Variants in NPHP4 observed in about 807,000 individuals in gnomAD.
NPHP4 encodes the protein nephrocystin 4.
In NPHP4, 151 loss-of-function variants were observed where a neutral mutation model predicts 155.8. The ratio of observed to expected loss-of-function variants is 0.97; its 90% CI spans 0.85 to 1.11. The LOEUF is 1.11. Among genes scored for constraint, NPHP4 ranks in the 50% least tolerant of loss-of-function variants. The pLI is 0.00. For synonymous variants in NPHP4, 845 were observed against 816.8 expected (o/e 1.03, Z -0.59); for missense variants, 1,956 against 1,925.7 (o/e 1.02, Z -0.29).
chr1:5,982,565 TTG>T (rs1163200738), intron 2 of NPHP4, among the ~76,000 whole-genome samples: 1 of 152,266 alleles, frequency 6.6e-6, no homozygotes, highest in Non-Finnish European at 1.5e-5. Context: ...TCTAGTTACT[TTG>T]TATCTAATTT....
chr1:5,966,317 C>T (rs2102215703), intron 5 of NPHP4, among the ~76,000 whole-genome samples: 1 of 152,298 alleles, frequency 6.6e-6, no homozygotes, highest in Non-Finnish European at 1.5e-5. Flanking sequence ...GCAATCTCAC[C>T]ACACTGTAAT....
At chr1:5,972,563 A>G (rs1007454950) in intron 3 of NPHP4, among the ~76,000 whole-genome samples, 11 of 152,210 alleles carry the variant, frequency 7.2e-5, no homozygotes, top group Admixed American at 2.6e-4. Flanking sequence ...TGGCACACAG[A>G]AGACCCTTAA....
intron 7 of NPHP4, 115 bp downstream of exon 7, chr1:5,952,585 C>G (rs1449835879): frequency 7.2e-6 from 1 of 138,126 alleles, no homozygotes; most frequent in African/African-American, 2.8e-5. Context: ...CCCTGCCCCA[C>G]CCACCCCTAC....
chr1:5,887,514 G>C, intron 17 of NPHP4, 48 bp from the exon 18 acceptor site: 1 of 1,590,174 alleles, frequency 6.3e-7, no homozygotes, highest in Non-Finnish European at 8.6e-7. Context: ...GCCCTGGGCT[G>C]CTTCCACCAG....
intron 4 of NPHP4, among the ~76,000 whole-genome samples, chr1:5,968,054 T>A (rs983504997): frequency 6.6e-6 from 1 of 152,012 alleles, no homozygotes; most frequent in Non-Finnish European, 1.5e-5. Flanking sequence ...GAACACCTAC[T>A]GCCTGCCAGG....
chr1:5,913,425 C>T (rs147779231), intron 11 of NPHP4, among the ~76,000 whole-genome samples: 89 of 152,346 alleles, frequency 5.8e-4, no homozygotes, highest in African/African-American at 1.9e-3. Context: ...ATTCCTTTTC[C>T]CTGACGCTCT....
intron 16 of NPHP4, among the ~76,000 whole-genome samples, chr1:5,900,817 G>A (rs977467794): frequency 3.3e-5 from 5 of 152,126 alleles, no homozygotes; most frequent in Admixed American, 1.3e-4. Flanking sequence ...GATCACTTGA[G>A]CCAAGGAGTT....
intron 6 of NPHP4, among the ~76,000 whole-genome samples, chr1:5,959,178 G>A (rs1172101495): frequency 6.6e-6 from 1 of 152,066 alleles, no homozygotes; most frequent in Non-Finnish European, 1.5e-5. Flanking sequence ...CCTGCCCTCA[G>A]ATCCCCTGCT....
At chr1:5,974,072 A>G (rs1388917737) in intron 3 of NPHP4, among the ~76,000 whole-genome samples, 1 of 152,250 alleles carries the variant, frequency 6.6e-6, no homozygotes, top group Non-Finnish European at 1.5e-5. Context: ...AAGGGCTCGC[A>G]GGAGTTTCAC....
chr1:5,899,489 T>C (rs1456933158), intron 16 of NPHP4, among the ~76,000 whole-genome samples: 2 of 152,176 alleles, frequency 1.3e-5, no homozygotes, highest in East Asian at 1.9e-4. Flanking sequence ...GTGGTTCCCT[T>C]GGGGGAGGTG....
intron 7 of NPHP4, among the ~76,000 whole-genome samples, chr1:5,949,761 A>G (rs1647591155): frequency 6.6e-6 from 1 of 152,132 alleles, no homozygotes; most frequent in South Asian, 2.1e-4. Context: ...GACAAGCATG[A>G]GTCCGAGGCC....
At position 5,923,330 on chromosome 1, in the gene NPHP4, G is replaced by A. The variant is rs528134171; in HGVS notation, c.1441+4319C>T. 2.0e-5 allele frequency among the ~76,000 whole-genome samples: 3 copies of A among 152,320 alleles called. No homozygotes were observed. In the East Asian group the frequency reaches 5.8e-4, roughly 29 times the overall value. Reference sequence around the variant, plus strand: ...AAATATGTAGAACAGTGGTTTTCAAGACAGTGGACTTCAGGCAACAAAGGA... The same window carrying A: ...AAATATGTAGAACAGTGGTTTTCAAAACAGTGGACTTCAGGCAACAAAGGA... On this transcript the variant is annotated intron_variant, in intron 11 of 29. Coordinates refer to ENST00000378156, the MANE Select transcript of NPHP4 (RefSeq NM_015102.5).
rs878992194 is a variant in NPHP4, at chr1:5,880,003, GCACACA to G, written c.2611+105_2611+110del. The G allele has an allele frequency of 1.1e-5, 14 of 1,253,702 alleles. 1 individual carries two copies. In the South Asian group the frequency reaches 2.0e-4, roughly 18 times the overall value. 77.7% of individuals were successfully genotyped at this position (1,253,702 alleles called of 1,614,324 possible). Reference sequence around the variant, plus strand: ...GGGCACTGACAGCACCACGAATGGTGCACACACACACACATGCACACACGCATGCAC... The same window carrying G: ...GGGCACTGACAGCACCACGAATGGTGCACACACATGCACACACGCATGCAC... On this transcript the variant is annotated intron_variant, in intron 19 of 29. Transcript: ENST00000378156.
intron 17 of NPHP4, chr1:5,888,395 G>A (rs890226711): frequency 2.0e-5 from 22 of 1,090,800 alleles, no homozygotes; most frequent in African/African-American, 1.9e-4. Flanking sequence ...TGAGGTTCCG[G>A]ATTTTGTAAT....
chr1:5,975,229 G>C (rs1332737207), intron 3 of NPHP4, among the ~76,000 whole-genome samples: 3 of 152,204 alleles, frequency 2.0e-5, no homozygotes, highest in Non-Finnish European at 4.4e-5. Context: ...TAAATAACTA[G>C]TTAACTAAGC....
intron 23 of NPHP4, among the ~76,000 whole-genome samples, chr1:5,872,889 C>G (rs1311629786): frequency 6.6e-6 from 1 of 152,198 alleles, no homozygotes; most frequent in Non-Finnish European, 1.5e-5. Context: ...CGTCTTATTT[C>G]CAGGAAGAAC....
chr1:5,932,309 T>C (rs1339439819), intron 10 of NPHP4, among the ~76,000 whole-genome samples: 1 of 152,232 alleles, frequency 6.6e-6, no homozygotes, highest in Non-Finnish European at 1.5e-5. Context: ...TATTTTACCA[T>C]AGGCAGAACT....
At chr1:5,911,926 C>T (rs922737311) in intron 11 of NPHP4, among the ~76,000 whole-genome samples, 1 of 152,206 alleles carries the variant, frequency 6.6e-6, no homozygotes, top group Non-Finnish European at 1.5e-5. Flanking sequence ...CCAAAAACCA[C>T]GGTGGAGTCT....
intron 12 of NPHP4, among the ~76,000 whole-genome samples, chr1:5,907,623 G>A (rs918716457): frequency 1.3e-5 from 2 of 152,224 alleles, no homozygotes; most frequent in African/African-American, 4.8e-5. Flanking sequence ...AAACCTCCCT[G>A]TTAAGGCAAT....
Sources: gnomAD v4.1 joint callset for allele counts (sites outside exome capture counted in the v4.1 genomes callset) on GRCh38, gnomAD v4.1.1 for gene constraint, MANE v1.5 for transcripts, NCBI Gene and HGNC (gene_info 2026-07-23, HGNC 2026-07-21) for gene names.